Variants in DMD observed in about 807,000 individuals in gnomAD.
The protein encoded by DMD is dystrophin.
DMD carries 63 observed loss-of-function variants against 330.1 expected under a neutral mutation model. That is an observed-to-expected ratio of 0.19 (90% CI 0.16 to 0.24). The LOEUF (loss-of-function observed/expected upper bound fraction) is 0.24, where lower values mean the gene tolerates loss of function less well. Ranked by LOEUF, DMD falls within the 10% of genes least tolerant of loss-of-function variation. DMD has a pLI of 1.00. For synonymous variants in DMD, 1,223 were observed against 959.8 expected (o/e 1.27, Z -5.07); for missense variants, 3,344 against 2,684.1 (o/e 1.25, Z -5.43).
intron 44 of DMD, among the ~76,000 whole-genome samples, chrX:32,130,253 G>T (rs2146907629): frequency 9.0e-6 from 1 of 111,342 alleles, no homozygotes; most frequent in Non-Finnish European, 1.9e-5. Context: ...TATACTTTTG[G>T]ATTTACAGAT....
At chrX:33,010,397 G>T in intron 2 of DMD, among the ~76,000 whole-genome samples, 1 of 107,334 alleles carries the variant, frequency 9.3e-6, no homozygotes, top group Non-Finnish European at 1.9e-5. Context: ...TTAAAAAATA[G>T]GTATAGGTTG....
chrX:31,227,568 G>T (rs779148591), intron 63 of DMD, among the ~76,000 whole-genome samples: 92 of 111,397 alleles, frequency 8.3e-4, no homozygotes, highest in African/African-American at 2.9e-3. Context: ...GCTTAGGACT[G>T]ACTTGGCAAT....
At chrX:32,002,339 G>C (rs2095632684) in intron 44 of DMD, among the ~76,000 whole-genome samples, 1 of 111,616 alleles carries the variant, frequency 9.0e-6, no homozygotes, top group Non-Finnish European at 1.9e-5. Context: ...GGTGAATATT[G>C]AGTAAACCGT....
At chrX:31,810,459 G>A (rs907169526) in intron 50 of DMD, among the ~76,000 whole-genome samples, 1 of 112,096 alleles carries the variant, frequency 8.9e-6, no homozygotes, top group Admixed American at 9.5e-5. Context: ...AATTTAGACA[G>A]TAACTGGAAC....
chrX:31,749,375 T>A lies in DMD; in HGVS notation c.7543-19627A>T, dbSNP rs1410061426. On this transcript the variant is annotated intron_variant, in intron 51 of 78. Transcript: ENST00000357033. ...GTTCTCATTGTTCAATTCCCACCTA[T>A]GAATGAGAATATGCGGTGTTTGGTT... Among the ~76,000 whole-genome samples, 276 of 97,434 alleles carry A rather than the reference T, an allele frequency of 2.8e-3. 2 individuals carry two copies. Among genetic ancestry groups the A allele is most frequent in the Admixed American group, 3.9e-3 (33 of 8,538 alleles). 84.6% of individuals were successfully genotyped at this position (97,434 alleles called of 115,157 possible). A position where few individuals can be genotyped will look rare whatever the true frequency, so the allele number is the denominator to read the frequency against.
intron 2 of DMD, among the ~76,000 whole-genome samples, chrX:32,908,826 C>G (rs1053579921): frequency 9.0e-6 from 1 of 111,352 alleles, no homozygotes; most frequent in Non-Finnish European, 1.9e-5. Flanking sequence ...TTAAAAATTC[C>G]GTGTCATGCC....
intron 7 of DMD, among the ~76,000 whole-genome samples, chrX:32,775,073 C>T (rs2074004158): frequency 1.8e-5 from 2 of 112,375 alleles, no homozygotes; most frequent in South Asian, 3.7e-4. Context: ...TGAAATGCAG[C>T]CAGGCAATCG....
At chrX:32,428,509 G>T (rs1222786580) in intron 29 of DMD, among the ~76,000 whole-genome samples, 5 of 111,800 alleles carry the variant, frequency 4.5e-5, no homozygotes, top group Non-Finnish European at 7.5e-5. Context: ...AAAGAAAGAG[G>T]CATTATGAAA....
At chrX:31,850,892 T>C (rs1011523678) in intron 48 of DMD, among the ~76,000 whole-genome samples, 7 of 112,501 alleles carry the variant, frequency 6.2e-5, no homozygotes, top group Non-Finnish European at 1.3e-4. Flanking sequence ...GCCTTTAATA[T>C]AAATGTGCCC....
intron 54 of DMD, among the ~76,000 whole-genome samples, chrX:31,629,947 A>T (rs1228668210): frequency 8.9e-6 from 1 of 112,317 alleles, no homozygotes; most frequent in Non-Finnish European, 1.9e-5. Context: ...TCCAATTTCA[A>T]ACAAAATTTA....
At chrX:33,191,025 T>G (rs1216363463) in intron 1 of DMD, among the ~76,000 whole-genome samples, 1 of 62,470 alleles carries the variant, frequency 1.6e-5, no homozygotes, top group African/African-American at 5.1e-5. Context: ...ATATATAGTG[T>G]ACACCTATAC....
At chrX:31,908,481 C>T (rs1456377847) in intron 47 of DMD, among the ~76,000 whole-genome samples, 1 of 109,047 alleles carries the variant, frequency 9.2e-6, no homozygotes, top group Non-Finnish European at 1.9e-5. Context: ...GAAAACCAAA[C>T]ACCGCATGTC....
At chrX:32,641,118 T>TA (rs1487025078) in intron 11 of DMD, among the ~76,000 whole-genome samples, 1 of 111,230 alleles carries the variant, frequency 9.0e-6, no homozygotes, top group South Asian at 3.8e-4. Context: ...AATCTCAAAC[T>TA]AAATGGTACC....
intron 60 of DMD, among the ~76,000 whole-genome samples, chrX:31,442,660 T>C (rs1373904402): frequency 8.9e-6 from 1 of 111,850 alleles, no homozygotes; most frequent in East Asian, 2.8e-4. Context: ...CATTCTGCTC[T>C]CTAAAAGAAA....
chrX:32,381,251 C>T (rs2097923594), intron 33 of DMD, among the ~76,000 whole-genome samples: 1 of 111,527 alleles, frequency 9.0e-6, no homozygotes, highest in African/African-American at 3.2e-5. Context: ...CCTCCTTAAA[C>T]ATAATTTTGC....
At chrX:31,445,827 G>A (rs1168547234) in intron 59 of DMD, among the ~76,000 whole-genome samples, 2 of 111,821 alleles carry the variant, frequency 1.8e-5, no homozygotes, top group Admixed American at 9.5e-5. Flanking sequence ...CTACCCTATC[G>A]AGATGGCATT....
intron 2 of DMD, among the ~76,000 whole-genome samples, chrX:32,977,480 C>A (rs1354604668): frequency 9.1e-6 from 1 of 110,272 alleles, no homozygotes; most frequent in Non-Finnish European, 1.9e-5. Context: ...CTTTCCTTCA[C>A]AATTAGAAAC....
At chrX:32,101,031 TA>T (rs1202085249) in intron 44 of DMD, among the ~76,000 whole-genome samples, 1 of 112,141 alleles carries the variant, frequency 8.9e-6, no homozygotes, top group Non-Finnish European at 1.9e-5. Flanking sequence ...ATCAGATACA[TA>T]CACAGCTCAT....
chrX:32,328,105 G>T (rs1001747013), intron 41 of DMD, among the ~76,000 whole-genome samples: 1 of 111,285 alleles, frequency 9.0e-6, no homozygotes, highest in South Asian at 3.7e-4. Context: ...GGGAAATAAA[G>T]AATGTGAAAA....
Sources: gnomAD v4.1 joint callset for allele counts (sites outside exome capture counted in the v4.1 genomes callset) on GRCh38, gnomAD v4.1.1 for gene constraint, MANE v1.5 for transcripts, NCBI Gene and HGNC (gene_info 2026-07-23, HGNC 2026-07-21) for gene names.